Variants in AOAH observed in about 807,000 individuals in gnomAD.
The protein encoded by AOAH is acyloxyacyl hydrolase.
A neutral mutation model predicts 92.2 loss-of-function variants in AOAH; 64 were observed. That is an observed-to-expected ratio of 0.69 (90% confidence interval 0.57 to 0.86). The LOEUF is 0.86. Ranked by LOEUF, AOAH falls within the 40% of genes least tolerant of loss-of-function variation. The probability of loss-of-function intolerance (pLI) is 0.00; values close to 1 mark genes in which losing one functional copy is unlikely to be tolerated. For missense variants in AOAH, 656 were observed against 694.6 expected (o/e 0.94, Z 0.62); for synonymous variants, 263 against 254.5 (o/e 1.03, Z -0.32).
intron 3 of AOAH, 124 bp from the exon 4 acceptor site, chr7:36,659,389 G>A (rs1394957052): frequency 2.7e-6 from 2 of 744,386 alleles, no homozygotes; most frequent in East Asian, 5.4e-5. Context: ...TTGCAGAGTG[G>A]CCTTTGACCC....
intron 14 of AOAH, 30 bp from the exon 15 acceptor site, chr7:36,548,716 C>G: frequency 1.3e-6 from 2 of 1,595,470 alleles, no homozygotes; most frequent in Non-Finnish European, 1.7e-6. Flanking sequence ...ATCTGAATGT[C>G]AGATACTTGG....
intron 13 of AOAH, among the ~76,000 whole-genome samples, chr7:36,561,398 C>A (rs1240956956): frequency 6.6e-6 from 1 of 152,096 alleles, no homozygotes; most frequent in Non-Finnish European, 1.5e-5. Flanking sequence ...CAGGAAAAGC[C>A]AATTGATTTG....
chr7:36,581,213 G>A (rs1788906879), intron 12 of AOAH, among the ~76,000 whole-genome samples: 1 of 152,158 alleles, frequency 6.6e-6, no homozygotes, highest in South Asian at 2.1e-4. Context: ...GTGTGAACTG[G>A]GTTGCTTCTT....
Position 36,516,856 on chromosome 7 carries a change from A to G in AOAH, c.1600-3476T>C, listed in dbSNP as rs1383056588. Among the ~76,000 whole-genome samples, 1 of 152,240 alleles carries G rather than the reference A, an allele frequency of 6.6e-6. No homozygotes were observed. Among genetic ancestry groups the G allele is most frequent in the Non-Finnish European group, 1.5e-5 (1 of 68,042 alleles). ...AAGAAGAGGGAAACGAAAATGAAAGAGCTCAGATATGAGCATTTGGTAACT... is the reference window on the plus strand; with the variant it reads ...AAGAAGAGGGAAACGAAAATGAAAGGGCTCAGATATGAGCATTTGGTAACT... On this transcript the variant is annotated intron_variant, in intron 20 of 20. Transcript: ENST00000617537. The surrounding 1 kb of genome is among the most constrained non-coding windows in gnomAD (Gnocchi z 5.0).
chr7:36,538,584 C>T (rs1344331607), intron 16 of AOAH, among the ~76,000 whole-genome samples: 1 of 152,192 alleles, frequency 6.6e-6, no homozygotes, highest in African/African-American at 2.4e-5. Context: ...CTTCCCTGCC[C>T]TCAGCTTCTC....
intron 1 of AOAH, among the ~76,000 whole-genome samples, chr7:36,699,799 T>C (rs1178529734): frequency 6.6e-6 from 1 of 152,136 alleles, no homozygotes; most frequent in Admixed American, 6.6e-5. Context: ...TTTAGCTTGA[T>C]GTAATCTCAT....
In AOAH at chr7:36,604,071, T is replaced by C. The variant is rs139037097; in HGVS notation, c.847-9641A>G. Among the ~76,000 whole-genome samples the C allele has an allele frequency of 1.2e-3, 189 of 152,344 alleles. 2 individuals carry two copies. The highest frequency in any genetic ancestry group is 4.3e-3 in the African/African-American group (178 of 41,582). On this transcript the variant is annotated intron_variant, in intron 11 of 20. Coordinates refer to ENST00000617537, the MANE Select transcript of AOAH (RefSeq NM_001637.4). Reference sequence around the variant, plus strand: ...CCTCTGCTTCGTAAATGGTGCCTTGTTGCTGGATTCTCACATGGGGGCAAG... The same window carrying C: ...CCTCTGCTTCGTAAATGGTGCCTTGCTGCTGGATTCTCACATGGGGGCAAG...
Position 36,532,180 on chromosome 7 carries a change from A to G in AOAH, c.1392T>C (p.Ser464=). 6.2e-7 allele frequency: 1 copy of G among 1,614,218 alleles called. No homozygotes were observed. Among genetic ancestry groups the G allele is most frequent in the Non-Finnish European group, 8.5e-7 (1 of 1,180,028 alleles). ...TGAGAGTCCGCAACGTCTTGTTGGA[A>G]GACATCCAGCCGTGGCAGGGGCTGA... ...LQVSPCHGWM[S]SNKTLRTLTS... Residue 464 remains serine, a synonymous_variant, in exon 18 of 21, where the codon TCT becomes TCC. Transcript: ENST00000617537.
intron 13 of AOAH, among the ~76,000 whole-genome samples, chr7:36,567,417 G>A (rs1406021150): frequency 1.3e-5 from 2 of 152,176 alleles, no homozygotes; most frequent in African/African-American, 4.8e-5. Context: ...ACCTTTGTGA[G>A]CCTCAGTTTC....
At chr7:36,656,049 G>C (rs777230328) in intron 4 of AOAH, among the ~76,000 whole-genome samples, 2 of 152,174 alleles carry the variant, frequency 1.3e-5, no homozygotes, top group Non-Finnish European at 2.9e-5. Flanking sequence ...TCCAGGCAAA[G>C]GGTTGGGCTG....
chr7:36,711,152 T>G (rs1383615534), intron 1 of AOAH, among the ~76,000 whole-genome samples: 3 of 152,126 alleles, frequency 2.0e-5, no homozygotes, highest in African/African-American at 2.4e-5. Context: ...AAATCACTAG[T>G]AATGTCTTCA....
chr7:36,704,422 C>A (rs1721853494), intron 1 of AOAH, among the ~76,000 whole-genome samples: 1 of 151,938 alleles, frequency 6.6e-6, no homozygotes, highest in African/African-American at 2.4e-5. Context: ...ACACATACAC[C>A]CTCCCAAAAC....
At chr7:36,611,019 G>A (rs1268072434) in intron 11 of AOAH, among the ~76,000 whole-genome samples, 2 of 152,198 alleles carry the variant, frequency 1.3e-5, no homozygotes, top group Non-Finnish European at 2.9e-5. Context: ...GAGATTTGGA[G>A]TGGTTGGTGG....
At chr7:36,534,334 C>T (rs975723303) in intron 16 of AOAH, among the ~76,000 whole-genome samples, 1 of 152,216 alleles carries the variant, frequency 6.6e-6, no homozygotes, top group African/African-American at 2.4e-5. Flanking sequence ...TCGCCTGGCT[C>T]CACCTCCAGC....
intron 18 of AOAH, among the ~76,000 whole-genome samples, chr7:36,531,662 A>T (rs1439603353): frequency 6.6e-6 from 1 of 152,128 alleles, no homozygotes; most frequent in Admixed American, 6.5e-5. Context: ...TAAGTCTTTT[A>T]CAAAGAGATT....
At chr7:36,678,580 TGTGTGTGTGTGTGTGTGTGTGCGC>T (rs1413699537) in intron 2 of AOAH, among the ~76,000 whole-genome samples, 2 of 118,642 alleles carry the variant, frequency 1.7e-5, no homozygotes, top group Non-Finnish European at 3.1e-5. Context: ...TGTGTGTGTG[TGTGTGTGTGTGTGTGTGTGTGCGC>T]GCGCGCGCGC....
intron 8 of AOAH, among the ~76,000 whole-genome samples, chr7:36,621,247 C>G (rs141882268): frequency 5.3e-5 from 8 of 152,262 alleles, no homozygotes; most frequent in African/African-American, 1.9e-4. Context: ...TTTTTTGATA[C>G]CAGAGATGCA....
chr7:36,635,663 G>C (rs1031302946), intron 5 of AOAH, among the ~76,000 whole-genome samples: 1 of 152,086 alleles, frequency 6.6e-6, no homozygotes, highest in Non-Finnish European at 1.5e-5. Flanking sequence ...GACGTAAATG[G>C]TGCTCCCCAA....
intron 1 of AOAH, among the ~76,000 whole-genome samples, chr7:36,717,226 G>A (rs1012058890): frequency 6.6e-6 from 1 of 152,108 alleles, no homozygotes; most frequent in African/African-American, 2.4e-5. Context: ...GGGGTTGTTT[G>A]TGATGGGTCT....
Sources: allele counts gnomAD v4.1 joint callset (sites outside exome capture counted in the v4.1 genomes callset), GRCh38; gene constraint gnomAD v4.1.1; non-coding constraint Gnocchi (gnomAD v3.1); transcripts MANE v1.5; gene names NCBI Gene and HGNC (gene_info 2026-07-23, HGNC 2026-07-21).